INTS6: variants seen among roughly 807,000 people sequenced by gnomAD.
INTS6 encodes the protein DEAD box protein.
A neutral mutation model predicts 104.9 loss-of-function variants in INTS6; 16 were observed. That is an observed-to-expected ratio of 0.15 (90% CI 0.10 to 0.23). The LOEUF (loss-of-function observed/expected upper bound fraction) is 0.23. Ranked by LOEUF, INTS6 falls within the 10% of genes least tolerant of loss-of-function variation. The probability of loss-of-function intolerance (pLI) is 1.00; values close to 1 mark genes in which losing one functional copy is unlikely to be tolerated. For synonymous variants in INTS6, 324 were observed against 358.7 expected (o/e 0.90, Z 1.09); for missense variants, 584 against 1,062.8 (o/e 0.55, Z 6.26).
intron 4 of INTS6, among the ~76,000 whole-genome samples, chr13:51,401,787 G>C (rs1956445920): frequency 6.6e-6 from 1 of 151,988 alleles, no homozygotes; most frequent in Non-Finnish European, 1.5e-5. Flanking sequence ...TTCAAACCCA[G>C]GTAAGTCTGG....
At chr13:51,375,266 C>G (rs528905919) in intron 13 of INTS6, among the ~76,000 whole-genome samples, 5 of 150,866 alleles carry the variant, frequency 3.3e-5, no homozygotes, top group Non-Finnish European at 7.4e-5. Flanking sequence ...GGAGGAGAAT[C>G]GCTTGAACCC....
intron 7 of INTS6, 69 bp downstream of exon 7, chr13:51,387,317 A>C (rs547479215): frequency 7.2e-7 from 1 of 1,381,168 alleles, no homozygotes; most frequent in East Asian, 2.4e-5. Flanking sequence ...CTTTGACAAC[A>C]GAATTTGAAA....
In INTS6 at chr13:51,378,277, T is replaced by C; in HGVS notation, c.1564A>G (p.Lys522Glu). ...VPHRLLDLNM[K>E]EYTGFQVALL... is the part of the protein sequence containing the mutation. ...GCAACTTGGAACCCAGTGTATTCCTTCATATTAAGGTCTAGCAGTCTGTGA... is the reference window on the plus strand; with the variant it reads ...GCAACTTGGAACCCAGTGTATTCCTCCATATTAAGGTCTAGCAGTCTGTGA... Residue 522 changes from lysine (K) to glutamate (E), a missense_variant, in exon 12 of 18, where the codon AAG (lysine) becomes GAG (glutamate). Around this residue, in one of 5 missense-constraint regions of INTS6, gnomAD observed 74 missense variants for 64.4 expected, o/e 1.15. Coordinates refer to ENST00000311234, the MANE Select transcript of INTS6 (RefSeq NM_012141.3). 1.2e-6 allele frequency: 2 copies of C among 1,613,418 alleles called. No individual in the cohort carries two copies. Among genetic ancestry groups the C allele is most frequent in the Non-Finnish European group, 1.7e-6 (2 of 1,179,424 alleles).
rs1955774319 is a variant in INTS6 at position 51,370,076 on chromosome 13, T to C, written c.2105-766A>G. ...CCAAACTATAAACTTAGTTTACCCA[T>C]ATTCCCCTATACACTCATCACAAAT... On this transcript the variant is annotated intron_variant, in intron 15 of 17. Coordinates refer to ENST00000311234, the MANE Select transcript of INTS6 (RefSeq NM_012141.3). Among the ~76,000 whole-genome samples the C allele has an allele frequency of 2.0e-5, 3 of 152,188 alleles. No individual in the cohort carries two copies. The South Asian group carries it at 6.3e-4, about 32-fold the overall frequency.
intron 7 of INTS6, 117 bp from the exon 8 acceptor site, chr13:51,383,858 C>T: frequency 2.7e-6 from 2 of 740,844 alleles, no homozygotes; most frequent in African/African-American, 1.8e-5. Flanking sequence ...GTTTGATTTA[C>T]TGCTAAAAGC....
At chr13:51,343,205 G>A in the INTS6 span, among the ~76,000 whole-genome samples, 1 of 152,220 alleles carries the variant, frequency 6.6e-6, no homozygotes, top group South Asian at 2.1e-4. Context: ...CCAGGTAGTG[G>A]AGGAAAAGAT....
chr13:51,383,873 T>C (rs78963599), intron 7 of INTS6, 132 bp from the exon 8 acceptor site: 1 of 615,758 alleles, frequency 1.6e-6, no homozygotes, highest in Non-Finnish European at 2.6e-6. Context: ...AAAAGCAACA[T>C]TAAGCTGAAA....
the INTS6 span, chr13:51,340,934 C>A: frequency 1.3e-6 from 1 of 760,312 alleles, no homozygotes; most frequent in South Asian, 1.8e-5. Flanking sequence ...GGGTAGGTAA[C>A]CAAGACAGCT....
rs986167598 is a variant in INTS6 at position 51,419,880 on chromosome 13, A to G, written c.429+10414T>C. 4.6e-5 allele frequency among the ~76,000 whole-genome samples: 7 copies of G among 152,294 alleles called. No individual in the cohort carries two copies. In the East Asian group the frequency reaches 1.2e-3, roughly 25 times the overall value. On this transcript the variant is annotated intron_variant, in intron 4 of 17. Coordinates refer to ENST00000311234, the MANE Select transcript of INTS6 (RefSeq NM_012141.3). ...AAGGTCTAGAACAGTAGTCTACAAA[A>G]CAGGGTATACACCAGCGATCAGCAA...
Position 51,451,240 on chromosome 13 carries a change from A to G in INTS6, c.190-66T>C. 6.1e-6 allele frequency: 8 copies of G among 1,314,382 alleles called. No individual in the cohort carries two copies. In the South Asian group the frequency reaches 1.5e-4, roughly 25 times the overall value. 81.4% of individuals were successfully genotyped at this position (1,314,382 alleles called of 1,614,324 possible). On this transcript the variant is annotated intron_variant, in intron 2 of 17. Transcript: ENST00000311234. ...AAGCCATGTACACAGAGCCGTTATA[A>G]TCTGACGTTCACCAAGTAGCAGCTT...
intron 12 of INTS6, 78 bp from the exon 13 acceptor site, chr13:51,376,252 TA>T (rs1378228075): frequency 8.4e-7 from 1 of 1,187,842 alleles, no homozygotes; most frequent in South Asian, 1.8e-5. Context: ...GCCTGCAGCA[TA>T]GGTTTGGAAA....
downstream of INTS6, among the ~76,000 whole-genome samples, chr13:51,352,478 T>TG (rs1955414634): frequency 6.6e-6 from 1 of 152,082 alleles, no homozygotes; most frequent in African/African-American, 2.4e-5. Context: ...TAGGTTTTTT[T>TG]TTGTGTGTGT....
chr13:51,339,845 G>A, the INTS6 span: 2 of 152,048 alleles, frequency 1.3e-5, no homozygotes, highest in African/African-American at 4.8e-5. Flanking sequence ...TGTGGGAGAT[G>A]GGAGGTTATA....
chr13:51,335,538 T>C, the INTS6 span, among the ~76,000 whole-genome samples: 2 of 152,180 alleles, frequency 1.3e-5, no homozygotes, highest in Admixed American at 6.5e-5. Flanking sequence ...GATGTAGATG[T>C]TCCAGAGCGT....
rs1955604388 is a variant in INTS6 at position 51,362,625 on chromosome 13, T to C, written c.*3127A>G. ...AACAGTGTATTAAAAAGAAATAGGA[T>C]AGAACAAGACTAATAAAATCAAGCA... On this transcript the variant is annotated 3_prime_UTR_variant, in exon 18 of 18. Coordinates refer to ENST00000311234, the MANE Select transcript of INTS6 (RefSeq NM_012141.3). 1 of 152,372 alleles carries C rather than the reference T, an allele frequency of 6.6e-6. No individual in the cohort carries two copies. Among genetic ancestry groups the C allele is most frequent in the Non-Finnish European group, 1.5e-5 (1 of 67,928 alleles). The allele number at this position is 152,372 out of a possible 1,614,324, so 9.4% of individuals were successfully genotyped here.
At chr13:51,352,768 A>G (rs1363841253), downstream of INTS6, among the ~76,000 whole-genome samples, 3 of 152,106 alleles carry the variant, frequency 2.0e-5, no homozygotes, top group South Asian at 6.2e-4. Flanking sequence ...CCTTCTATCC[A>G]AAGTTTGTTG....
intron 4 of INTS6, among the ~76,000 whole-genome samples, chr13:51,414,926 C>T (rs1394697867): frequency 2.6e-5 from 4 of 151,182 alleles, no homozygotes; most frequent in Non-Finnish European, 4.4e-5. Context: ...ATGATTTCAC[C>T]GTCCAACAAT....
chr13:51,378,180 G>T (rs1955971102), intron 12 of INTS6, 59 bp downstream of exon 12: 3 of 1,245,908 alleles, frequency 2.4e-6, no homozygotes, highest in East Asian at 2.3e-5. Context: ...CAGAAAATGT[G>T]ATTTATCCAG....
chr13:51,357,097 G>A (rs1208236448), downstream of INTS6, among the ~76,000 whole-genome samples: 1 of 152,166 alleles, frequency 6.6e-6, no homozygotes, highest in East Asian at 1.9e-4. Context: ...GCAAAACTGA[G>A]TAGTTGAGAC....
Sources: gnomAD v4.1 joint callset for allele counts (sites outside exome capture counted in the v4.1 genomes callset) on GRCh38, gnomAD v4.1.1 for gene constraint, gnomAD v4.1.1 regional missense constraint, MANE v1.5 for transcripts, NCBI Gene and HGNC (gene_info 2026-07-23, HGNC 2026-07-21) for gene names.